The following INSR variants were observed in gnomAD, a reference collection of about 807,000 sequenced individuals.
INSR encodes the protein insulin receptor.
In INSR, 67 loss-of-function variants were observed where a neutral mutation model predicts 142.6. The ratio of observed to expected loss-of-function variants is 0.47; its 90% CI spans 0.39 to 0.58. The LOEUF is 0.58. Ranked by LOEUF, INSR falls within the 20% of genes least tolerant of loss-of-function variation. INSR has a pLI of 0.00. For synonymous variants in INSR, 756 were observed against 743.1 expected, an observed-to-expected ratio of 1.02 and a Z score of -0.28; for missense variants, 1,248 against 1,833.2, an observed-to-expected ratio of 0.68 and a Z score of 5.83.
chr19:7,213,765 G>A (rs1975350303), intron 2 of INSR, among the ~76,000 whole-genome samples: 1 of 152,198 alleles, frequency 6.6e-6, no homozygotes, highest in Non-Finnish European at 1.5e-5. Context: ...TGAGGCTGGT[G>A]AGTCACGAAG....
intron 2 of INSR, among the ~76,000 whole-genome samples, chr19:7,226,852 T>C (rs1367727125): frequency 6.6e-6 from 1 of 152,084 alleles, no homozygotes; most frequent in Non-Finnish European, 1.5e-5. Flanking sequence ...AAAAATTCTT[T>C]AAGCTGATGT....
chr19:7,294,368 C>T lies in INSR; in HGVS notation c.-477G>A, dbSNP rs900996571. On this transcript the variant is annotated 5_prime_UTR_variant, in exon 1 of 22. Transcript: ENST00000302850. ...GCTCGGGCCCGTAAACAACGCGGCC[C>T]GTCAGCTGGGCCCCGTGCGGGCCGC... Among the ~76,000 whole-genome samples, 37 of 151,662 alleles carry T rather than the reference C, an allele frequency of 2.4e-4. No homozygotes were observed. The highest frequency in any genetic ancestry group is 3.4e-3 in the Middle Eastern group (1 of 290).
intron 10 of INSR, among the ~76,000 whole-genome samples, chr19:7,151,162 C>CTCTCTTTCCTTTCTTT (rs1555740370): frequency 0.024 from 1,119 of 45,880 alleles, 18 homozygotes; most frequent in Middle Eastern, 0.073. Context: ...TTCTTTCTTT[C>CTCTCTTTCCTTTCTTT]TCTTTCTTTC....
chr19:7,285,077 A>G (rs949735821), intron 1 of INSR, among the ~76,000 whole-genome samples: 1 of 152,006 alleles, frequency 6.6e-6, no homozygotes, highest in Admixed American at 6.6e-5. Context: ...TACTTTAGGA[A>G]GTCAAGATGG....
intron 10 of INSR, among the ~76,000 whole-genome samples, chr19:7,151,613 G>A (rs1568447770): frequency 6.6e-6 from 1 of 151,612 alleles, no homozygotes; most frequent in African/African-American, 2.4e-5. Flanking sequence ...AGGTGAAACA[G>A]TAACCACTTT....
intron 2 of INSR, among the ~76,000 whole-genome samples, chr19:7,193,966 T>C (rs1974668563): frequency 2.1e-5 from 1 of 47,534 alleles, no homozygotes; most frequent in South Asian, 5.6e-4. Context: ...GCTCCCAAAC[T>C]GGGCATAGGC....
At chr19:7,206,820 C>T (rs951588924) in intron 2 of INSR, among the ~76,000 whole-genome samples, 11 of 152,066 alleles carry the variant, frequency 7.2e-5, no homozygotes, top group African/African-American at 2.7e-4. Flanking sequence ...ACGGGTGACA[C>T]GCTGTTTTTC....
At chr19:7,139,862 C>T (rs1294880202) in intron 13 of INSR, among the ~76,000 whole-genome samples, 3 of 119,000 alleles carry the variant, frequency 2.5e-5, no homozygotes, top group Admixed American at 1.2e-4. Flanking sequence ...CTTGTTCTGT[C>T]GCCCAGGCTG....
chr19:7,122,642 G>C lies in INSR; in HGVS notation c.3501C>G (p.Val1167=), dbSNP rs373794054. 4 of 1,614,120 alleles carry C rather than the reference G, an allele frequency of 2.5e-6. No individual in the cohort carries two copies. In the Admixed American group the frequency reaches 6.7e-5, roughly 27 times the overall value. The change falls in exon 19 of 22, where the codon GTC becomes GTG. Residue 1167 remains valine, a synonymous_variant. Transcript: ENST00000302850. ...HRDLAARNCM[V]AHDFTVKIGD... is the part of the protein sequence containing the mutation. ...CAATTTTGACAGTAAAATCATGGGC[G>C]ACCATGCAGTTTCTCGCTGCCAGGT... is the stretch of plus-strand genomic sequence containing the variant.
chr19:7,142,487 G>A (rs1477905304), intron 12 of INSR, among the ~76,000 whole-genome samples: 1 of 151,326 alleles, frequency 6.6e-6, no homozygotes, highest in Non-Finnish European at 1.5e-5. Flanking sequence ...TTGAGCCCAG[G>A]AGTTCAAGAC....
chr19:7,132,167 T>A lies in INSR; in HGVS notation c.2833A>T (p.Thr945Ser). Residue 945 changes from threonine (T) to serine (S), a missense_variant, in exon 14 of 22, where the codon ACA becomes TCA. Thr to Ser is a moderately conservative substitution (Grantham distance 58). Coordinates refer to ENST00000302850, the MANE Select transcript of INSR (RefSeq NM_000208.4). ...TGCCATGGAGACTTACAATAGTCTG[T>A]CACGTAGAAATAGGTGGGTTCCGTC... The part of the protein sequence containing the change: ...SWTEPTYFYV[T>S]DYLDVPSNIA... The A allele has an allele frequency of 1.2e-6, 2 of 1,614,104 alleles. No homozygotes were observed. Among genetic ancestry groups the A allele is most frequent in the Non-Finnish European group, 1.7e-6 (2 of 1,179,970 alleles).
chr19:7,169,463 C>G (rs1034979245), intron 6 of INSR, among the ~76,000 whole-genome samples: 15 of 151,252 alleles, frequency 9.9e-5, no homozygotes, highest in African/African-American at 3.2e-4. Context: ...GTAATCCCAG[C>G]TATTCTGGAG....
chr19:7,232,205 C>T (rs563853879), intron 2 of INSR, among the ~76,000 whole-genome samples: 3 of 79,260 alleles, frequency 3.8e-5, no homozygotes, highest in East Asian at 1.0e-3. Context: ...CAGATCTGTG[C>T]ATTTTATTTT....
intron 19 of INSR, 69 bp from the exon 20 acceptor site, chr19:7,120,818 C>T: frequency 6.3e-7 from 1 of 1,587,594 alleles, no homozygotes; most frequent in Non-Finnish European, 8.6e-7. Flanking sequence ...ACCTTGACTG[C>T]CCCACCTCTC....
chr19:7,172,481 A>C (rs1252651662), intron 4 of INSR, 47 bp from the exon 5 acceptor site: 1 of 1,591,320 alleles, frequency 6.3e-7, no homozygotes, highest in East Asian at 2.2e-5. Context: ...GACATATTTC[A>C]ATCTTCTCAT....
intron 9 of INSR, among the ~76,000 whole-genome samples, chr19:7,154,595 C>A (rs1373679285): frequency 6.6e-6 from 1 of 150,806 alleles, no homozygotes; most frequent in Non-Finnish European, 1.5e-5. Context: ...AGCCACTGCA[C>A]CCGGCCCACA....
intron 2 of INSR, among the ~76,000 whole-genome samples, chr19:7,191,254 G>A (rs1974577973): frequency 6.6e-6 from 1 of 151,468 alleles, no homozygotes; most frequent in African/African-American, 2.4e-5. Context: ...CCGAGATTGT[G>A]CCACTGCTGG....
At chr19:7,207,993 G>A (rs1975162722) in intron 2 of INSR, among the ~76,000 whole-genome samples, 1 of 151,922 alleles carries the variant, frequency 6.6e-6, no homozygotes, top group African/African-American at 2.4e-5. Context: ...GAGTTACAAG[G>A]AGCTTGGCCT....
intron 1 of INSR, among the ~76,000 whole-genome samples, chr19:7,276,581 AGGC>A (rs1968069398): frequency 6.6e-6 from 1 of 152,094 alleles, no homozygotes; most frequent in Non-Finnish European, 1.5e-5. Flanking sequence ...TTCTGGTGTC[AGGC>A]CACCACCTAT....
Sources: gnomAD v4.1 joint callset for allele counts (sites outside exome capture counted in the v4.1 genomes callset) on GRCh38, gnomAD v4.1.1 for gene constraint, MANE v1.5 for transcripts, NCBI Gene and HGNC (gene_info 2026-07-23, HGNC 2026-07-21) for gene names.